EREG: variants seen among roughly 807,000 people sequenced by gnomAD.
EREG encodes the protein epiregulin.
In EREG, 23 loss-of-function variants were observed where a neutral mutation model predicts 22.4. That is an observed-to-expected ratio of 1.03 (90% confidence interval 0.74 to 1.46). The LOEUF is 1.46. EREG is among the 40% of genes most tolerant of loss of function. EREG has a pLI of 0.00. For synonymous variants in EREG, 100 were observed against 75.4 expected, an observed-to-expected ratio of 1.33 and a Z score of -1.69; for missense variants, 226 against 205.9, an observed-to-expected ratio of 1.10 and a Z score of -0.60.
At position 74,375,339 on chromosome 4, in the gene EREG, G is replaced by A. The variant is rs562106702; in HGVS notation, c.68-4109G>A. Among the ~76,000 whole-genome samples, 442 of 118,698 alleles carry A rather than the reference G, an allele frequency of 3.7e-3. 4 individuals are homozygous for A. The highest frequency in any genetic ancestry group is 0.013 in the African/African-American group (405 of 30,848). The allele number at this position is 118,698 out of a possible 152,430, so 77.9% of individuals were successfully genotyped here. A position where few individuals can be genotyped will look rare whatever the true frequency, so the allele number is the denominator to read the frequency against. ...TTTTTTTTTTTTTTTTTTTTTTTGA[G>A]AGGGAGTCTTCCTCTGTCGCCCAGG... On this transcript the variant is annotated intron_variant, in intron 1 of 4. Transcript: ENST00000244869.
intron 1 of EREG, 91 bp downstream of exon 1, chr4:74,365,466 T>C: frequency 6.0e-6 from 7 of 1,173,954 alleles, no homozygotes; most frequent in Non-Finnish European, 8.6e-6. Flanking sequence ...AGTACGGAGT[T>C]GTCTCCAGGT....
In EREG at chr4:74,385,470, C is replaced by T. The variant is rs1752555158; in HGVS notation, c.*662C>T. ...ACGACTCCTACAGGTACTAGTCACT[C>T]ATCTACCAGATTCTGCCTATGTAAA... On this transcript the variant is annotated 3_prime_UTR_variant, in exon 5 of 5. Coordinates refer to ENST00000244869, the MANE Select transcript of EREG (RefSeq NM_001432.3). The T allele has an allele frequency of 6.4e-6, 1 of 155,904 alleles. No homozygotes were observed. The highest frequency in any genetic ancestry group is 1.4e-5 in the Non-Finnish European group (1 of 70,658). The allele number at this position is 155,904 out of a possible 1,614,324, so 9.7% of individuals were successfully genotyped here. A position where few individuals can be genotyped will look rare whatever the true frequency, so the allele number is the denominator to read the frequency against.
intron 1 of EREG, among the ~76,000 whole-genome samples, chr4:74,367,603 A>T (rs955094231): frequency 6.6e-6 from 1 of 152,240 alleles, no homozygotes; most frequent in Non-Finnish European, 1.5e-5. Context: ...TCAATGAGAG[A>T]GAATTAAGCA....
chr4:74,376,099 A>G (rs1224871013), intron 1 of EREG, among the ~76,000 whole-genome samples: 1 of 152,204 alleles, frequency 6.6e-6, no homozygotes, highest in Non-Finnish European at 1.5e-5. Flanking sequence ...AACAACTGGA[A>G]CAAAGTTTCC....
rs1752549942 is a variant in EREG at position 74,385,147 on chromosome 4, G to A, written c.*339G>A. 3 of 191,826 alleles carry A rather than the reference G, an allele frequency of 1.6e-5. No individual in the cohort carries two copies. The South Asian group carries it at 4.6e-4, about 30-fold the overall frequency. The allele number at this position is 191,826 out of a possible 1,614,324, so 11.9% of individuals were successfully genotyped here. On this transcript the variant is annotated 3_prime_UTR_variant, in exon 5 of 5. Transcript: ENST00000244869. ...CATAGCTCAAGAATTGTTAGCAAAT[G>A]ACAGATTTCTGTAAGCCTATATATA...
intron 1 of EREG, among the ~76,000 whole-genome samples, chr4:74,372,377 C>A (rs1042608341): frequency 6.6e-6 from 1 of 152,118 alleles, no homozygotes; most frequent in Non-Finnish European, 1.5e-5. Flanking sequence ...AAACTTTATC[C>A]TTGCAGATTC....
intron 1 of EREG, among the ~76,000 whole-genome samples, chr4:74,372,522 A>T (rs1752307935): frequency 6.6e-6 from 1 of 152,202 alleles, no homozygotes; most frequent in South Asian, 2.1e-4. Flanking sequence ...TATAGTCCAA[A>T]CTGTTGCGCC....
At chr4:74,372,252 C>T (rs553145161) in intron 1 of EREG, among the ~76,000 whole-genome samples, 3 of 152,294 alleles carry the variant, frequency 2.0e-5, no homozygotes, top group African/African-American at 7.2e-5. Context: ...TAGCAGCCTG[C>T]AGTGTGTGAG....
chr4:74,367,025 C>T (rs1157344924), intron 1 of EREG, among the ~76,000 whole-genome samples: 1 of 152,144 alleles, frequency 6.6e-6, no homozygotes, highest in Non-Finnish European at 1.5e-5. Flanking sequence ...TTCTTTCCCC[C>T]AAACAAAATA....
rs1253261531 is a variant in EREG at position 74,386,625 on chromosome 4, A to G, written c.*1817A>G. The G allele has an allele frequency of 1.3e-5, 2 of 152,172 alleles. No individual in the cohort carries two copies. Among genetic ancestry groups the G allele is most frequent in the Non-Finnish European group, 2.9e-5 (2 of 68,030 alleles). 9.4% of individuals were successfully genotyped at this position (152,172 alleles called of 1,614,324 possible). A position where few individuals can be genotyped will look rare whatever the true frequency, so the allele number is the denominator to read the frequency against. On this transcript the variant is annotated 3_prime_UTR_variant, in exon 5 of 5. Coordinates refer to ENST00000244869, the MANE Select transcript of EREG (RefSeq NM_001432.3). Reference sequence around the variant, plus strand: ...ATCTAAACAGTTATTTCTGTTTCCTATTTAATACAGCTGAAGTCAAAATAT... The same window carrying G: ...ATCTAAACAGTTATTTCTGTTTCCTGTTTAATACAGCTGAAGTCAAAATAT...
rs192615719 is a variant in EREG, at chr4:74,386,155, A to G, written c.*1347A>G. On this transcript the variant is annotated 3_prime_UTR_variant, in exon 5 of 5. Coordinates refer to ENST00000244869, the MANE Select transcript of EREG (RefSeq NM_001432.3). ...TATTGCATAAGGAGCCACTGCTGCC[A>G]CCACTTTTGGATTTTATGGGAGGCT... The G allele has an allele frequency of 6.8e-5, 16 of 235,496 alleles. No homozygotes were observed. In the East Asian group the frequency reaches 1.2e-3, roughly 17 times the overall value. 14.6% of individuals were successfully genotyped at this position (235,496 alleles called of 1,614,324 possible). A position where few individuals can be genotyped will look rare whatever the true frequency, so the allele number is the denominator to read the frequency against.
chr4:74,368,036 T>C (rs1347559557), intron 1 of EREG, among the ~76,000 whole-genome samples: 1 of 152,170 alleles, frequency 6.6e-6, no homozygotes, highest in African/African-American at 2.4e-5. Flanking sequence ...TTACAAAGAC[T>C]CAGAGATAGT....
In EREG at chr4:74,386,621, T is replaced by G. The variant is rs1360486059; in HGVS notation, c.*1813T>G. ...TTAGATCTAAACAGTTATTTCTGTT[T>G]CCTATTTAATACAGCTGAAGTCAAA... On this transcript the variant is annotated 3_prime_UTR_variant, in exon 5 of 5. Transcript: ENST00000244869. The G allele has an allele frequency of 6.6e-6, 1 of 152,172 alleles. No individual in the cohort carries two copies. Among genetic ancestry groups the G allele is most frequent in the African/African-American group, 2.4e-5 (1 of 41,430 alleles). 9.4% of individuals were successfully genotyped at this position (152,172 alleles called of 1,614,324 possible).
intron 1 of EREG, among the ~76,000 whole-genome samples, chr4:74,366,097 G>T (rs1752176257): frequency 6.6e-6 from 1 of 151,838 alleles, no homozygotes; most frequent in Non-Finnish European, 1.5e-5. Flanking sequence ...GATCGCTGAG[G>T]GTATTTAAAT....
Position 74,368,223 on chromosome 4 carries a change from C to A in EREG, c.67+2848C>A, listed in dbSNP as rs961140790. ...TACAAATGGACTTTCTGACTCTGTG[C>A]AAAATCAGGCAAATAAAAGGTGACT... On this transcript the variant is annotated intron_variant, in intron 1 of 4. Transcript: ENST00000244869. 2.0e-5 allele frequency among the ~76,000 whole-genome samples: 3 copies of A among 152,156 alleles called. No individual in the cohort carries two copies. The East Asian group carries it at 5.8e-4, about 29-fold the overall frequency.
intron 1 of EREG, 123 bp from the exon 2 acceptor site, chr4:74,379,325 G>C: frequency 1.7e-6 from 1 of 601,396 alleles, no homozygotes; most frequent in South Asian, 2.4e-5. Flanking sequence ...TTTGTTTTAT[G>C]GTTTTGATGG....
intron 2 of EREG, 126 bp from the exon 3 acceptor site, chr4:74,380,879 CTTCTCAAAA>C: frequency 1.2e-6 from 1 of 869,082 alleles, no homozygotes; most frequent in Non-Finnish European, 1.8e-6. Flanking sequence ...TGACTTCCTA[CTTCTCAAAA>C]TTCTCCTTGA....
In EREG at chr4:74,386,757, A is replaced by G. The variant is rs918024647; in HGVS notation, c.*1949A>G. On this transcript the variant is annotated 3_prime_UTR_variant, in exon 5 of 5. Transcript: ENST00000244869. ...CGGAAAATGCTTAAAAAATAATACA[A>G]CAACAACAAAAAATACATTATAACA... 2 of 152,054 alleles carry G rather than the reference A, an allele frequency of 1.3e-5. No homozygotes were observed. The highest frequency in any genetic ancestry group is 2.9e-5 in the Non-Finnish European group (2 of 68,018). The allele number at this position is 152,054 out of a possible 1,614,324, so 9.4% of individuals were successfully genotyped here.
At chr4:74,381,168 T>G (rs1398811145) in intron 3 of EREG, 31 bp downstream of exon 3, 2 of 1,596,662 alleles carry the variant, frequency 1.3e-6, no homozygotes, top group East Asian at 2.2e-5. Flanking sequence ...AAACACAGTT[T>G]GTAAAATTTT....
Sources: gnomAD v4.1 joint callset for allele counts (sites outside exome capture counted in the v4.1 genomes callset) on GRCh38, gnomAD v4.1.1 for gene constraint, MANE v1.5 for transcripts, NCBI Gene and HGNC (gene_info 2026-07-23, HGNC 2026-07-21) for gene names.